The following DPP4 variants were observed in gnomAD, a reference collection of about 807,000 sequenced individuals.
DPP4 encodes dipeptidyl peptidase 4.
In DPP4, 93 loss-of-function variants were observed where a neutral mutation model predicts 122.4. The ratio of observed to expected loss-of-function variants is 0.76; its 90% CI spans 0.64 to 0.90. The LOEUF (loss-of-function observed/expected upper bound fraction) is 0.90. Among genes scored for constraint, DPP4 ranks in the 40% least tolerant of loss-of-function variants. The pLI is 0.00. For synonymous variants in DPP4, 321 were observed against 302.9 expected (o/e 1.06, Z -0.62); for missense variants, 914 against 907.3 (o/e 1.01, Z -0.09).
At chr2:162,017,280 G>T in intron 16 of DPP4, 125 bp from the exon 17 acceptor site, 1 of 773,574 alleles carries the variant, frequency 1.3e-6, no homozygotes, top group Non-Finnish European at 2.1e-6. Flanking sequence ...ATATTATAAT[G>T]CATAAGAAGT....
intron 25 of DPP4, among the ~76,000 whole-genome samples, chr2:161,994,400 C>T (rs757076055): frequency 6.6e-6 from 1 of 152,142 alleles, no homozygotes; most frequent in South Asian, 2.1e-4. Flanking sequence ...TGACATAATA[C>T]GTAGAAATAT....
At chr2:162,020,444 C>A in intron 13 of DPP4, 137 bp downstream of exon 13, 1 of 956,856 alleles carries the variant, frequency 1.0e-6, no homozygotes, top group Non-Finnish European at 1.5e-6. Flanking sequence ...CCACATGACA[C>A]AATACACCAC....
At chr2:162,024,979 G>A (rs746954376) in intron 10 of DPP4, 40 bp from the exon 11 acceptor site, 134 of 1,603,364 alleles carry the variant, frequency 8.4e-5, no homozygotes, top group Non-Finnish European at 1.1e-4. Context: ...GAGAGAGAAT[G>A]AACATGACTA....
intron 22 of DPP4, 37 bp from the exon 23 acceptor site, chr2:162,005,846 A>G: frequency 6.4e-7 from 1 of 1,555,178 alleles, no homozygotes. Flanking sequence ...AGTTTAATTC[A>G]TACAATAACA....
At chr2:162,025,895 C>T (rs1683313222) in intron 10 of DPP4, among the ~76,000 whole-genome samples, 1 of 152,108 alleles carries the variant, frequency 6.6e-6, no homozygotes, top group Non-Finnish European at 1.5e-5. Flanking sequence ...CTCACACAAT[C>T]CACTTGCCCT....
intron 2 of DPP4, among the ~76,000 whole-genome samples, chr2:162,066,793 G>A (rs1684960835): frequency 1.3e-5 from 2 of 152,208 alleles, no homozygotes; most frequent in South Asian, 2.1e-4. Flanking sequence ...GCTGGCATGT[G>A]CAGAGATCAC....
At chr2:162,036,936 G>A (rs1683797456) in intron 8 of DPP4, among the ~76,000 whole-genome samples, 1 of 152,016 alleles carries the variant, frequency 6.6e-6, no homozygotes, top group African/African-American at 2.4e-5. Context: ...ATTGATTCTG[G>A]TCTATAACAC....
chr2:162,031,020 G>A (rs761798697), intron 10 of DPP4, among the ~76,000 whole-genome samples: 1 of 152,204 alleles, frequency 6.6e-6, no homozygotes, highest in Non-Finnish European at 1.5e-5. Context: ...GAAAGACTTC[G>A]TCTCTTTGGG....
chr2:162,007,979 CT>C (rs1262326703), intron 22 of DPP4, among the ~76,000 whole-genome samples: 1 of 152,036 alleles, frequency 6.6e-6, no homozygotes, highest in Non-Finnish European at 1.5e-5. Context: ...TGAATCCCCC[CT>C]CCTCCCTCAT....
intron 2 of DPP4, among the ~76,000 whole-genome samples, chr2:162,064,861 G>A (rs758477741): frequency 3.3e-5 from 5 of 152,222 alleles, no homozygotes; most frequent in Non-Finnish European, 7.3e-5. Context: ...AGAAAGTGAG[G>A]AGAAGGAAAG....
chr2:162,062,067 G>A (rs1684791965), intron 2 of DPP4, among the ~76,000 whole-genome samples: 1 of 150,440 alleles, frequency 6.6e-6, no homozygotes, highest in South Asian at 2.1e-4. Flanking sequence ...TCAGGAGTAT[G>A]AGACCAGCCT....
rs755268297 is a variant in DPP4 at position 161,995,358 on chromosome 2, C to G, written c.2067G>C (p.Met689Ile). The G allele has an allele frequency of 1.2e-6, 2 of 1,613,832 alleles. No homozygotes were observed. Among genetic ancestry groups the G allele is most frequent in the Non-Finnish European group, 1.7e-6 (2 of 1,179,786 alleles). The change falls in exon 24 of 26, where the codon ATG becomes ATC. Residue 689 changes from methionine to isoleucine, a missense_variant. Met to Ile is a conservative substitution (Grantham distance 10). Transcript: ENST00000360534. ...NLDHYRNSTV[M>I]SRAENFKQVE... ...CTTGTTTAAAATTTTCAGCTCTGCTCATGACTGTTGAATTCTGGAATTGGG... is the reference window on the plus strand; with the variant it reads ...CTTGTTTAAAATTTTCAGCTCTGCTGATGACTGTTGAATTCTGGAATTGGG...
rs375409700 is a variant in DPP4, at chr2:162,037,854, C to T, written c.613+448G>A. On this transcript the variant is annotated intron_variant, in intron 8 of 25. Coordinates refer to ENST00000360534, the MANE Select transcript of DPP4 (RefSeq NM_001935.4). ...TGTCCAAGTTCAAATAAATACAAAT[C>T]CTCTATAAAATAGGCATTTTCTTCC... is the stretch of plus-strand genomic sequence containing the variant. Among the ~76,000 whole-genome samples the T allele has an allele frequency of 2.6e-5, 4 of 152,146 alleles. No homozygotes were observed. In the East Asian group the frequency reaches 5.8e-4, roughly 22 times the overall value.
At position 162,022,909 on chromosome 2, in the gene DPP4, A is replaced by G. The variant is rs1032841748; in HGVS notation, c.1024-110T>C. On this transcript the variant is annotated intron_variant, in intron 11 of 25. Transcript: ENST00000360534. ...GCTGTACTTATAATAACTGAGAGCT[A>G]TCTCCATTCATATATTTCTATTTAT... 1.2e-5 allele frequency: 12 copies of G among 1,021,778 alleles called. No individual in the cohort carries two copies. The Admixed American group carries it at 2.1e-4, about 18-fold the overall frequency. The allele number at this position is 1,021,778 out of a possible 1,614,324, so 63.3% of individuals were successfully genotyped here.
At position 162,020,275 on chromosome 2, in the gene DPP4, CT is replaced by C. The variant is rs1474745013; in HGVS notation, c.1197del (p.Gly400AlafsTer8). The C allele has an allele frequency of 1.3e-6, 2 of 1,584,888 alleles. No individual in the cohort carries two copies. Among genetic ancestry groups the C allele is most frequent in the Middle Eastern group, 1.7e-4 (1 of 5,742 alleles). ...TCTATCCCGATGACTTCCCAGGTGC[CT>C]TTTGTAATAAATGTGCAGTCCTGAT... ...IDKKDCTFIT[K>X]GTWEVIGIEA... is the part of the protein sequence containing the mutation. On this transcript the variant is annotated frameshift_variant, in exon 14 of 26. Transcript: ENST00000360534. LOFTEE classifies it high-confidence loss of function.
intron 2 of DPP4, among the ~76,000 whole-genome samples, chr2:162,062,413 A>G (rs1168714853): frequency 2.0e-5 from 3 of 152,242 alleles, no homozygotes; most frequent in Non-Finnish European, 4.4e-5. Context: ...TAGAGTTCTA[A>G]AAGTCAGCAG....
At chr2:162,004,056 G>A (rs112205467) in intron 23 of DPP4, among the ~76,000 whole-genome samples, 8 of 152,168 alleles carry the variant, frequency 5.3e-5, no homozygotes, top group African/African-American at 1.7e-4. Context: ...AGGAGCAGAG[G>A]GCAAAGGCAC....
chr2:162,034,981 C>T (rs994972305), intron 9 of DPP4, among the ~76,000 whole-genome samples, 183 bp downstream of exon 9: 1 of 151,940 alleles, frequency 6.6e-6, no homozygotes, highest in Non-Finnish European at 1.5e-5. Context: ...AACCTTAAAT[C>T]ACACTCTTTC....
intron 10 of DPP4, among the ~76,000 whole-genome samples, chr2:162,033,166 G>A (rs1683622027): frequency 6.6e-6 from 1 of 152,160 alleles, no homozygotes; most frequent in Admixed American, 6.6e-5. Context: ...TTATCCATGA[G>A]GATTCCCTGA....
Sources: gnomAD v4.1 joint callset for allele counts (sites outside exome capture counted in the v4.1 genomes callset) on GRCh38, gnomAD v4.1.1 for gene constraint, MANE v1.5 for transcripts, NCBI Gene and HGNC (gene_info 2026-07-23, HGNC 2026-07-21) for gene names.